The following CPB2 variants were observed in gnomAD, a reference collection of about 807,000 sequenced individuals.
The protein encoded by CPB2 is carboxypeptidase B-like protein.
A neutral mutation model predicts 57.0 loss-of-function variants in CPB2; 54 were observed. The observed-to-expected ratio is 0.95, with a 90% CI of 0.76 to 1.19. The LOEUF is 1.19. Among genes scored for constraint, CPB2 ranks in the 50% most tolerant of loss-of-function variants. The probability of loss-of-function intolerance (pLI) is 0.00; values close to 1 mark genes in which losing one functional copy is unlikely to be tolerated. For synonymous variants in CPB2, 189 were observed against 178.1 expected (o/e 1.06, Z -0.49); for missense variants, 426 against 512.0 (o/e 0.83, Z 1.62).
chr13:46,053,668 T>A lies in CPB2; in HGVS notation c.1218A>T (p.Arg406Ser), dbSNP rs2044621172. Residue 406 changes from arginine (R) to serine (S), a missense_variant, in exon 11 of 11, where the codon AGA (arginine) becomes AGT (serine). Arg to Ser is a moderately radical substitution (Grantham distance 110). Transcript: ENST00000181383. ...LPERYIKPTC[R>S]EAFAAVSKIA... ...TTTTAGAGACAGCGGCAAAAGCTTC[T>A]CTACAGGTGGGTTTGATGTAACGCT... The A allele has an allele frequency of 1.2e-6, 2 of 1,614,058 alleles. No homozygotes were observed.
At chr13:46,074,536 G>A (rs1259982627) in intron 5 of CPB2, among the ~76,000 whole-genome samples, 2 of 152,040 alleles carry the variant, frequency 1.3e-5, no homozygotes, top group Non-Finnish European at 2.9e-5. Flanking sequence ...CCAGTATGGT[G>A]GGCTAACACA....
chr13:46,100,076 A>G (rs1421716083), intron 1 of CPB2: 1 of 152,100 alleles, frequency 6.6e-6, no homozygotes, highest in Non-Finnish European at 1.5e-5. Context: ...GCAGTATTAA[A>G]TTAAAAAAAA....
chr13:46,073,751 A>G, intron 6 of CPB2, 122 bp downstream of exon 6: 3 of 574,684 alleles, frequency 5.2e-6, no homozygotes, highest in Non-Finnish European at 8.3e-6. Context: ...AAAATTGTAG[A>G]TTCCCAAGCT....
chr13:46,073,568 C>T, intron 6 of CPB2: 1 of 358,830 alleles, frequency 2.8e-6, no homozygotes, highest in Non-Finnish European at 3.5e-6. Context: ...TCCTTCAGTC[C>T]TTTCCTCTAC....
intron 6 of CPB2, among the ~76,000 whole-genome samples, chr13:46,070,491 C>G (rs1285976833): frequency 6.6e-6 from 1 of 152,096 alleles, no homozygotes; most frequent in Non-Finnish European, 1.5e-5. Flanking sequence ...GATTACTCAG[C>G]TCTTCCTCTC....
At chr13:46,090,960 G>A (rs931547945) in intron 1 of CPB2, among the ~76,000 whole-genome samples, 7 of 151,948 alleles carry the variant, frequency 4.6e-5, no homozygotes, top group African/African-American at 7.2e-5. Context: ...TCCTGACCTC[G>A]TGATCCTCCT....
intron 5 of CPB2, among the ~76,000 whole-genome samples, chr13:46,077,382 T>C (rs576311905): frequency 6.6e-6 from 1 of 152,180 alleles, no homozygotes; most frequent in Non-Finnish European, 1.5e-5. Flanking sequence ...CAATGTCATC[T>C]CATTCCAGTT....
At chr13:46,104,255 A>G (rs563905848) in intron 1 of CPB2, among the ~76,000 whole-genome samples, 59 of 152,256 alleles carry the variant, frequency 3.9e-4, no homozygotes, top group Non-Finnish European at 7.5e-4. Flanking sequence ...GGGAAAAAAT[A>G]AGATAATTCC....
intron 1 of CPB2, among the ~76,000 whole-genome samples, chr13:46,089,486 T>G (rs1009475798): frequency 6.6e-6 from 1 of 152,116 alleles, no homozygotes; most frequent in African/African-American, 2.4e-5. Flanking sequence ...TGGAGTTGCA[T>G]AATGGAAGCA....
At chr13:46,089,575 G>C (rs927716386) in intron 1 of CPB2, among the ~76,000 whole-genome samples, 1 of 152,152 alleles carries the variant, frequency 6.6e-6, no homozygotes, top group African/African-American at 2.4e-5. Context: ...GTGAGAAATT[G>C]CTCTGATCTG....
chr13:46,088,175 T>C (rs2045239011), intron 1 of CPB2, among the ~76,000 whole-genome samples: 1 of 152,214 alleles, frequency 6.6e-6, no homozygotes, highest in South Asian at 2.1e-4. Context: ...AATGAATGCC[T>C]GTGAACCCAT....
chr13:46,088,533 G>A (rs909744074), intron 1 of CPB2, among the ~76,000 whole-genome samples: 1 of 152,178 alleles, frequency 6.6e-6, no homozygotes, highest in African/African-American at 2.4e-5. Context: ...AAGTGGAATT[G>A]CCATTTCATG....
intron 1 of CPB2, among the ~76,000 whole-genome samples, chr13:46,094,108 C>T (rs923352537): frequency 3.9e-5 from 6 of 152,210 alleles, no homozygotes; most frequent in Admixed American, 2.0e-4. Context: ...CCTCTCATCT[C>T]ACCAGCACAT....
chr13:46,091,565 G>T (rs373225851), intron 1 of CPB2, among the ~76,000 whole-genome samples: 1 of 152,158 alleles, frequency 6.6e-6, no homozygotes, highest in African/African-American at 2.4e-5. Flanking sequence ...AATAAGTGTG[G>T]ATTTTAAATG....
intron 4 of CPB2, among the ~76,000 whole-genome samples, chr13:46,080,494 T>C (rs901779216): frequency 5.3e-5 from 8 of 152,242 alleles, no homozygotes; most frequent in African/African-American, 1.9e-4. Context: ...CCAATTCATA[T>C]GTTCAATCCC....
chr13:46,086,794 C>G (rs574764876), intron 2 of CPB2, among the ~76,000 whole-genome samples: 190 of 152,354 alleles, frequency 1.2e-3, no homozygotes, highest in Non-Finnish European at 1.9e-3. Context: ...TCAGCCACCC[C>G]CTTGGCTTCC....
chr13:46,074,191 A>C (rs1389882532), intron 5 of CPB2, among the ~76,000 whole-genome samples: 1 of 151,786 alleles, frequency 6.6e-6, no homozygotes, highest in Non-Finnish European at 1.5e-5. Flanking sequence ...ATTGAAACTG[A>C]AGTTTGAAGC....
At chr13:46,085,044 G>T (rs528344517) in intron 2 of CPB2, among the ~76,000 whole-genome samples, 19 of 151,850 alleles carry the variant, frequency 1.3e-4, no homozygotes, top group African/African-American at 4.6e-4. Flanking sequence ...TAGAGACGGG[G>T]TTTCACCGTG....
chr13:46,094,329 A>G (rs2045335699), intron 1 of CPB2, among the ~76,000 whole-genome samples: 1 of 152,162 alleles, frequency 6.6e-6, no homozygotes, highest in African/African-American at 2.4e-5. Context: ...GCATGTTTGT[A>G]CCACCTCTCA....
Sources: allele counts gnomAD v4.1 joint callset (sites outside exome capture counted in the v4.1 genomes callset), GRCh38; gene constraint gnomAD v4.1.1; transcripts MANE v1.5; gene names NCBI Gene and HGNC (gene_info 2026-07-23, HGNC 2026-07-21).